Variants in PBX2 observed in about 807,000 individuals in gnomAD.
PBX2 encodes pre-B-cell leukemia transcription factor 2.
A neutral mutation model predicts 46.5 loss-of-function variants in PBX2; 10 were observed. The observed-to-expected ratio is 0.21, with a 90% CI of 0.13 to 0.36. The LOEUF (loss-of-function observed/expected upper bound fraction) is 0.36. Ranked by LOEUF, PBX2 falls within the 10% of genes least tolerant of loss-of-function variation. The pLI is 1.00. For missense variants in PBX2, 392 were observed against 580.5 expected, an observed-to-expected ratio of 0.68 and a Z score of 3.34; for synonymous variants, 160 against 222.5, an observed-to-expected ratio of 0.72 and a Z score of 2.50.
rs750591952 is a variant in PBX2, at chr6:32,187,992, G to A, written c.708C>T (p.Ile236=). The A allele has an allele frequency of 3.8e-6, 6 of 1,574,058 alleles. No homozygotes were observed. Among genetic ancestry groups the A allele is most frequent in the Non-Finnish European group, 5.2e-6 (6 of 1,158,100 alleles). The change falls in exon 4 of 9, where the codon ATC becomes ATT. Residue 236 remains isoleucine, a synonymous_variant. Transcript: ENST00000375050. The surrounding 1 kb of genome is among the most constrained non-coding windows in gnomAD (Gnocchi z 7.7). ...LKQSTCEAVM[I]LRSRFLDARR... is the part of the protein sequence containing the mutation. ...TGGCATCCAGGAAACGGGAGCGCAG[G>A]ATCATCACAGCCTCGCAGGTGCTCT...
rs1787135023 is a variant in PBX2 at position 32,186,262 on chromosome 6, A to AC, written c.*119dup. 10 of 671,166 alleles carry AC rather than the reference A, an allele frequency of 1.5e-5. No individual in the cohort carries two copies. The highest frequency in any genetic ancestry group is 4.1e-4 in the Middle Eastern group (1 of 2,426). 41.6% of individuals were successfully genotyped at this position (671,166 alleles called of 1,614,324 possible). On this transcript the variant is annotated 3_prime_UTR_variant, in exon 9 of 9. Transcript: ENST00000375050. The surrounding 1 kb of genome is among the most constrained non-coding windows in gnomAD (Gnocchi z 4.2). ...AGAGAGTCTCGTTAGGGAGGGGATG[A>AC]CCCCATTGGCCCTTCTCTGTCTTGT...
In PBX2 at chr6:32,185,001, T is replaced by C. The variant is rs899996584; in HGVS notation, c.*1381A>G. On this transcript the variant is annotated 3_prime_UTR_variant, in exon 9 of 9. Coordinates refer to ENST00000375050, the MANE Select transcript of PBX2 (RefSeq NM_002586.5). Reference sequence around the variant, plus strand: ...AGGATGGGACAGTGTTGATGTTACTTTTCCCCCACATCTGGCTTTTTGCAA... The same window carrying C: ...AGGATGGGACAGTGTTGATGTTACTCTTCCCCCACATCTGGCTTTTTGCAA... 6.6e-6 allele frequency: 1 copy of C among 152,522 alleles called. No individual in the cohort carries two copies. Among genetic ancestry groups the C allele is most frequent in the African/African-American group, 2.4e-5 (1 of 41,398 alleles). 9.4% of individuals were successfully genotyped at this position (152,522 alleles called of 1,614,324 possible).
chr6:32,186,947 A>T lies in PBX2; in HGVS notation c.1025-46T>A. The stretch of plus-strand genomic sequence containing the variant: ...AGAGTGTAATAGAGCCCGTGATGGT[A>T]GAGGATGAACCACAACTCTCAACTC... On this transcript the variant is annotated intron_variant, in intron 6 of 8. Coordinates refer to ENST00000375050, the MANE Select transcript of PBX2 (RefSeq NM_002586.5). The surrounding 1 kb of genome is among the most constrained non-coding windows in gnomAD (Gnocchi z 4.2). 2 of 1,523,656 alleles carry T rather than the reference A, an allele frequency of 1.3e-6. No homozygotes were observed. Among genetic ancestry groups the T allele is most frequent in the Non-Finnish European group, 1.8e-6 (2 of 1,099,906 alleles). The allele number at this position is 1,523,656 out of a possible 1,614,324, so 94.4% of individuals were successfully genotyped here.
In PBX2 at chr6:32,189,097, G is replaced by C. The variant is rs1561894940; in HGVS notation, c.222-301C>G. ...TCTGGGAGTGGATGGAGAAAGGAAA[G>C]TGACTTGGTAGGTTTCAGAGGGAGA... On this transcript the variant is annotated intron_variant, in intron 1 of 8. Transcript: ENST00000375050. The surrounding 1 kb of genome is among the most constrained non-coding windows in gnomAD (Gnocchi z 4.7). 2.0e-6 allele frequency: 1 copy of C among 506,586 alleles called. No individual in the cohort carries two copies. The highest frequency in any genetic ancestry group is 3.2e-5 in the Admixed American group (1 of 31,390). The allele number at this position is 506,586 out of a possible 1,614,324, so 31.4% of individuals were successfully genotyped here.
At position 32,186,790 on chromosome 6, in the gene PBX2, T is replaced by G; in HGVS notation, c.1113+23A>C. The stretch of plus-strand genomic sequence containing the variant: ...GAAATGGAGTTGGGGAAAGCCCTAT[T>G]CGAGAGGAGATGGGCATCTGACCTG... On this transcript the variant is annotated intron_variant, in intron 7 of 8. Coordinates refer to ENST00000375050, the MANE Select transcript of PBX2 (RefSeq NM_002586.5). The surrounding 1 kb of genome is among the most constrained non-coding windows in gnomAD (Gnocchi z 4.2). The G allele has an allele frequency of 6.2e-7, 1 of 1,610,750 alleles. No individual in the cohort carries two copies. The highest frequency in any genetic ancestry group is 8.5e-7 in the Non-Finnish European group (1 of 1,177,032).
Position 32,188,893 on chromosome 6 carries a change from G to A in PBX2, c.222-97C>T. Reference sequence around the variant, plus strand: ...AAGGAGGGAGGAGGGTCAGTCTGCGGAGGGAGGAAGCGGATTGGGGGTGGA... The same window carrying A: ...AAGGAGGGAGGAGGGTCAGTCTGCGAAGGGAGGAAGCGGATTGGGGGTGGA... On this transcript the variant is annotated intron_variant, in intron 1 of 8. Transcript: ENST00000375050. The surrounding 1 kb of genome is among the most constrained non-coding windows in gnomAD (Gnocchi z 6.5). 9.4e-7 allele frequency: 1 copy of A among 1,060,390 alleles called. No homozygotes were observed. The highest frequency in any genetic ancestry group is 1.5e-6 in the Non-Finnish European group (1 of 680,356). The allele number at this position is 1,060,390 out of a possible 1,614,324, so 65.7% of individuals were successfully genotyped here.
At position 32,187,960 on chromosome 6, in the gene PBX2, G is replaced by GC. The variant is rs1787217377; in HGVS notation, c.734+5dup. On this transcript the variant is annotated splice_donor_region_variant and intron_variant, in intron 4 of 8. Transcript: ENST00000375050. The surrounding 1 kb of genome is among the most constrained non-coding windows in gnomAD (Gnocchi z 7.7). The stretch of plus-strand genomic sequence containing the variant: ...CTGGGGGCCAGCCTGGGGTCCCTGG[G>GC]CCCACCTGGCATCCAGGAAACGGGA... The GC allele has an allele frequency of 6.5e-7, 1 of 1,537,578 alleles. No individual in the cohort carries two copies. Among genetic ancestry groups the GC allele is most frequent in the South Asian group, 1.2e-5 (1 of 80,504 alleles).
Position 32,188,841 on chromosome 6 carries a change from G to C in PBX2, c.222-45C>G. On this transcript the variant is annotated intron_variant, in intron 1 of 8. Coordinates refer to ENST00000375050, the MANE Select transcript of PBX2 (RefSeq NM_002586.5). This position sits in a 1 kb window ranked among gnomAD's most constrained non-coding sequence, Gnocchi z 6.5. ...GGGAAAGAGAAAAGTTGAGGAGCTA[G>C]AGAAACAGAGCAGGGGGCCTGAGAA... The C allele has an allele frequency of 1.3e-6, 2 of 1,557,418 alleles. No individual in the cohort carries two copies. Among genetic ancestry groups the C allele is most frequent in the Middle Eastern group, 1.7e-4 (1 of 5,872 alleles).
Position 32,188,597 on chromosome 6 carries a change from C to T in PBX2, c.296-93G>A, listed in dbSNP as rs1787251726. The T allele has an allele frequency of 6.3e-7, 1 of 1,576,082 alleles. No homozygotes were observed. The highest frequency in any genetic ancestry group is 8.6e-7 in the Non-Finnish European group (1 of 1,156,144). ...CTTCCTGGAGAGCCAAGTTCCCAGG[C>T]TTTGGTTCCTTCCCCAGTCCCCCTG... On this transcript the variant is annotated intron_variant, in intron 2 of 8. Transcript: ENST00000375050. This position sits in a 1 kb window ranked among gnomAD's most constrained non-coding sequence, Gnocchi z 6.5.
In PBX2 at chr6:32,189,746, A is replaced by G. The variant is rs1787322788; in HGVS notation, c.170T>C (p.Leu57Pro). ...GTCGGTGATGGTCATTATCTGCTGC[A>G]GAATGTCCCCGATGTCTTGCTTCCC... ...GRGKQDIGDILQQIMTITDQS... is the reference protein window; with the variant it reads ...GRGKQDIGDIPQQIMTITDQS... The change falls in exon 1 of 9, where the codon CTG (leucine) becomes CCG (proline). Residue 57 changes from leucine to proline, a missense_variant. By Grantham distance (98) the Leu-to-Pro change is moderately conservative. Transcript: ENST00000375050. The surrounding 1 kb of genome is among the most constrained non-coding windows in gnomAD (Gnocchi z 4.7). 1.2e-6 allele frequency: 2 copies of G among 1,608,566 alleles called. No homozygotes were observed. The highest frequency in any genetic ancestry group is 1.7e-6 in the Non-Finnish European group (2 of 1,177,800).
rs9281667 is a variant in PBX2, at chr6:32,188,705, C to CGG, written c.295+16_295+17dup. On this transcript the variant is annotated intron_variant, in intron 2 of 8. Coordinates refer to ENST00000375050, the MANE Select transcript of PBX2 (RefSeq NM_002586.5). This position sits in a 1 kb window ranked among gnomAD's most constrained non-coding sequence, Gnocchi z 6.5. ...GTTCTGTTCCCAGAGTTGAGCAATC[C>CGG]GGGGGGGGCCCACATACCAGTTTTC... 5.6e-6 allele frequency: 9 copies of CGG among 1,604,854 alleles called. No homozygotes were observed. The African/African-American group carries it at 1.1e-4, about 19-fold the overall frequency.
chr6:32,185,868 G>C lies in PBX2; in HGVS notation c.*514C>G, dbSNP rs1787070677. 6.5e-6 allele frequency: 1 copy of C among 154,754 alleles called. No homozygotes were observed. The highest frequency in any genetic ancestry group is 1.4e-5 in the Non-Finnish European group (1 of 69,664). 9.6% of individuals were successfully genotyped at this position (154,754 alleles called of 1,614,324 possible). On this transcript the variant is annotated 3_prime_UTR_variant, in exon 9 of 9. Transcript: ENST00000375050. ...AGCCGTCCGGAGGGGCGGGGGTGGG[G>C]ATGCATGGGGGCGTGGCCCATGTCC...
At position 32,187,473 on chromosome 6, in the gene PBX2, T is replaced by G; in HGVS notation, c.871-78A>C. 1 of 203,572 alleles carries G rather than the reference T, an allele frequency of 4.9e-6. No individual in the cohort carries two copies. Among genetic ancestry groups the G allele is most frequent in the Non-Finnish European group, 8.6e-6 (1 of 115,930 alleles). 12.6% of individuals were successfully genotyped at this position (203,572 alleles called of 1,614,324 possible). A position where few individuals can be genotyped will look rare whatever the true frequency, so the allele number is the denominator to read the frequency against. On this transcript the variant is annotated intron_variant, in intron 5 of 8. Coordinates refer to ENST00000375050, the MANE Select transcript of PBX2 (RefSeq NM_002586.5). This position sits in a 1 kb window ranked among gnomAD's most constrained non-coding sequence, Gnocchi z 7.7. Reference sequence around the variant, plus strand: ...ACTGAATAAGATGTGAGTGACAGCATTTTTTTTTTTTTTGCTTCCTGGTCT... The same window carrying G: ...ACTGAATAAGATGTGAGTGACAGCAGTTTTTTTTTTTTTGCTTCCTGGTCT...
rs1787160135 is a variant in PBX2 at position 32,186,734 on chromosome 6, G to C, written c.1114-44C>G. 6.3e-7 allele frequency: 1 copy of C among 1,595,958 alleles called. No homozygotes were observed. The highest frequency in any genetic ancestry group is 2.2e-5 in the East Asian group (1 of 44,798). On this transcript the variant is annotated intron_variant, in intron 7 of 8. Coordinates refer to ENST00000375050, the MANE Select transcript of PBX2 (RefSeq NM_002586.5). This position sits in a 1 kb window ranked among gnomAD's most constrained non-coding sequence, Gnocchi z 4.2. ...GGTATGACAGTGAAGAGAAGCCTCA[G>C]AGGAAAGAGGTCTTGTATCCTAAAG... is the stretch of plus-strand genomic sequence containing the variant.
chr6:32,184,962 C>T lies in PBX2; in HGVS notation c.*1420G>A, dbSNP rs766056707. Reference sequence around the variant, plus strand: ...AATGTCTGAGGGGATCAGATGGTAGCTAGTTCAGGGCTGAGGATGGGACAG... The same window carrying T: ...AATGTCTGAGGGGATCAGATGGTAGTTAGTTCAGGGCTGAGGATGGGACAG... On this transcript the variant is annotated 3_prime_UTR_variant, in exon 9 of 9. Coordinates refer to ENST00000375050, the MANE Select transcript of PBX2 (RefSeq NM_002586.5). 1 of 152,228 alleles carries T rather than the reference C, an allele frequency of 6.6e-6. No homozygotes were observed. The highest frequency in any genetic ancestry group is 1.5e-5 in the Non-Finnish European group (1 of 68,012). 9.4% of individuals were successfully genotyped at this position (152,228 alleles called of 1,614,324 possible).
rs1165843158 is a variant in PBX2 at position 32,189,047 on chromosome 6, T to C, written c.222-251A>G. ...GTTAAAGGCTGCGGGCTTTGGGAGA[T>C]GGTCTAGAAAGGTAGGAGGAGGAAT... is the stretch of plus-strand genomic sequence containing the variant. On this transcript the variant is annotated intron_variant, in intron 1 of 8. Coordinates refer to ENST00000375050, the MANE Select transcript of PBX2 (RefSeq NM_002586.5). This position sits in a 1 kb window ranked among gnomAD's most constrained non-coding sequence, Gnocchi z 4.7. The C allele has an allele frequency of 3.7e-6, 2 of 537,586 alleles. No homozygotes were observed. The highest frequency in any genetic ancestry group is 3.0e-5 in the Admixed American group (1 of 32,900). The allele number at this position is 537,586 out of a possible 1,614,324, so 33.3% of individuals were successfully genotyped here. A position where few individuals can be genotyped will look rare whatever the true frequency, so the allele number is the denominator to read the frequency against.
rs1447944710 is a variant in PBX2 at position 32,188,600 on chromosome 6, T to G, written c.296-96A>C. The G allele has an allele frequency of 6.3e-7, 1 of 1,577,700 alleles. No individual in the cohort carries two copies. Among genetic ancestry groups the G allele is most frequent in the Non-Finnish European group, 8.6e-7 (1 of 1,157,354 alleles). ...CCTGGAGAGCCAAGTTCCCAGGCTT[T>G]GGTTCCTTCCCCAGTCCCCCTGACT... On this transcript the variant is annotated intron_variant, in intron 2 of 8. Coordinates refer to ENST00000375050, the MANE Select transcript of PBX2 (RefSeq NM_002586.5). The surrounding 1 kb of genome is among the most constrained non-coding windows in gnomAD (Gnocchi z 6.5).
In PBX2 at chr6:32,187,526, C is replaced by T. The variant is rs1787199665; in HGVS notation, c.870+121G>A. 2.0e-6 allele frequency: 3 copies of T among 1,500,360 alleles called. No homozygotes were observed. The South Asian group carries it at 3.8e-5, about 19-fold the overall frequency. 92.9% of individuals were successfully genotyped at this position (1,500,360 alleles called of 1,614,324 possible). A position where few individuals can be genotyped will look rare whatever the true frequency, so the allele number is the denominator to read the frequency against. ...CTATGCTGTTGCCCAGGCTGGTCTC[C>T]AATTCAAGTGATCCTCCCACTTCAG... On this transcript the variant is annotated intron_variant, in intron 5 of 8. Transcript: ENST00000375050. This position sits in a 1 kb window ranked among gnomAD's most constrained non-coding sequence, Gnocchi z 7.7.
chr6:32,189,867 C>G lies in PBX2; in HGVS notation c.49G>C (p.Gly17Arg). 1 of 1,489,194 alleles carries G rather than the reference C, an allele frequency of 6.7e-7. No individual in the cohort carries two copies. Among genetic ancestry groups the G allele is most frequent in the Non-Finnish European group, 8.9e-7 (1 of 1,117,532 alleles). 92.2% of individuals were successfully genotyped at this position (1,489,194 alleles called of 1,614,324 possible). ...GGCTCCCCACTCACCAATCCCAGGC[C>G]CCCCCGGCCCCCGCCTGGAGGGGGC... ...GPPPPGGGRG[G>R]LGLVSGEPGG... Residue 17 changes from glycine (G) to arginine (R), a missense_variant, in exon 1 of 9, where the codon GGC becomes CGC. Gly to Arg is a moderately radical substitution (Grantham distance 125, BLOSUM62 -2). Around this residue, in one of 3 missense-constraint regions of PBX2, gnomAD observed 196 missense variants for 246.9 expected, o/e 0.79. Coordinates refer to ENST00000375050, the MANE Select transcript of PBX2 (RefSeq NM_002586.5). This position sits in a 1 kb window ranked among gnomAD's most constrained non-coding sequence, Gnocchi z 4.7.
Sources: allele counts gnomAD v4.1 joint callset, GRCh38; gene constraint gnomAD v4.1.1; regional missense constraint gnomAD v4.1.1; non-coding constraint Gnocchi (gnomAD v3.1); transcripts MANE v1.5; gene names NCBI Gene and HGNC (gene_info 2026-07-23, HGNC 2026-07-21).